ABCC5: variants seen among roughly 807,000 people sequenced by gnomAD.
ABCC5 encodes ATP binding cassette subfamily C member 5.
ABCC5 carries 61 observed loss-of-function variants against 160.9 expected under a neutral mutation model. The ratio of observed to expected loss-of-function variants is 0.38; its 90% confidence interval spans 0.31 to 0.47. The LOEUF (loss-of-function observed/expected upper bound fraction) is 0.47, where lower values mean the gene tolerates loss of function less well. Among genes scored for constraint, ABCC5 ranks in the 20% least tolerant of loss-of-function variants. The pLI, the probability that ABCC5 is intolerant of heterozygous loss-of-function variation, is 0.99. For synonymous variants in ABCC5, 666 were observed against 700.6 expected (o/e 0.95, Z 0.78); for missense variants, 1,308 against 1,813.3 (o/e 0.72, Z 5.06).
At position 183,987,676 on chromosome 3, in the gene ABCC5, A is replaced by G. The variant is rs1719343869; in HGVS notation, c.591+94T>C. On this transcript the variant is annotated intron_variant, in intron 5 of 29. Transcript: ENST00000334444. This position sits in a 1 kb window ranked among gnomAD's most constrained non-coding sequence, Gnocchi z 4.2. ...CATCTCTAAGACTGCTACCTAGCCC[A>G]AAGCTGAGCACAACCTCTGCAACAG... 1 of 1,567,270 alleles carries G rather than the reference A, an allele frequency of 6.4e-7. No individual in the cohort carries two copies. Among genetic ancestry groups the G allele is most frequent in the African/African-American group, 1.4e-5 (1 of 73,870 alleles).
intron 22 of ABCC5, among the ~76,000 whole-genome samples, chr3:183,947,797 C>A (rs1414070976): frequency 6.6e-6 from 1 of 152,040 alleles, no homozygotes; most frequent in South Asian, 2.1e-4. Context: ...ACAGAGTAAA[C>A]ATGGGAAAAG....
chr3:183,938,170 T>A, intron 25 of ABCC5, 110 bp from the exon 26 acceptor site: 4 of 1,034,066 alleles, frequency 3.9e-6, no homozygotes, highest in Non-Finnish European at 5.7e-6. Flanking sequence ...TATTCAGTTG[T>A]TATTTCAACT....
Position 183,949,121 on chromosome 3 carries a change from T to C in ABCC5, c.3227+632A>G, listed in dbSNP as rs927781823. Among the ~76,000 whole-genome samples, 1 of 152,236 alleles carries C rather than the reference T, an allele frequency of 6.6e-6. No homozygotes were observed. The highest frequency in any genetic ancestry group is 1.5e-5 in the Non-Finnish European group (1 of 68,036). ...TATGCTGGAGATCATTCCCTATCAG[T>C]ACCTATAGAGCTCCCTCATTCTTTT... On this transcript the variant is annotated intron_variant, in intron 22 of 29. Transcript: ENST00000334444. This position sits in a 1 kb window ranked among gnomAD's most constrained non-coding sequence, Gnocchi z 4.2.
intron 2 of ABCC5, among the ~76,000 whole-genome samples, chr3:184,005,733 A>G (rs558669138): frequency 3.9e-4 from 60 of 152,280 alleles, no homozygotes; most frequent in African/African-American, 1.4e-3. Flanking sequence ...ATACATATGT[A>G]ACAAACCTGC....
Position 183,971,632 on chromosome 3 carries a change from G to A in ABCC5, c.1692C>T (p.Gly564=). 6.2e-7 allele frequency: 1 copy of A among 1,614,162 alleles called. No homozygotes were observed. Among genetic ancestry groups the A allele is most frequent in the South Asian group, 1.1e-5 (1 of 91,068 alleles). ...GCAGGTGGCCCAGGTGGATGTGCTT[G>A]CCTTCTTCCTCTTCGGGACTGGGCC... The part of the protein sequence containing the change: ...DERPSPEEEE[G]KHIHLGHLRL... The change falls in exon 11 of 30, where the codon GGC becomes GGT. Residue 564 remains glycine (G), a synonymous_variant. Coordinates refer to ENST00000334444, the MANE Select transcript of ABCC5 (RefSeq NM_005688.4).
intron 17 of ABCC5, among the ~76,000 whole-genome samples, chr3:183,956,602 G>C (rs1716015563): frequency 1.3e-5 from 2 of 150,874 alleles, no homozygotes; most frequent in Admixed American, 6.6e-5. Flanking sequence ...GCAGATCCGT[G>C]TGTATATCAC....
At chr3:183,983,244 T>A (rs1718902811) in intron 5 of ABCC5, among the ~76,000 whole-genome samples, 1 of 152,244 alleles carries the variant, frequency 6.6e-6, no homozygotes, top group African/African-American at 2.4e-5. Flanking sequence ...TCAAAACCAT[T>A]ACTCTTTCTA....
intron 17 of ABCC5, among the ~76,000 whole-genome samples, chr3:183,956,710 T>C (rs1382713633): frequency 1.8e-5 from 1 of 54,336 alleles, no homozygotes; most frequent in African/African-American, 1.3e-4. Flanking sequence ...GTATATCATA[T>C]AGGTTACATG....
chr3:183,987,833 G>A lies in ABCC5; in HGVS notation c.528C>T (p.Arg176=). 3 of 1,614,178 alleles carry A rather than the reference G, an allele frequency of 1.9e-6. No homozygotes were observed. Among genetic ancestry groups the A allele is most frequent in the Non-Finnish European group, 2.5e-6 (3 of 1,180,040 alleles). ...SLRRVVWIFC[R]TRLILSIVCL... is the part of the protein sequence containing the mutation. ...ACACGATGGACAGGATGAGCCTGGTGCGGCAGAAGATCCACACAACCCTTC... is the reference window on the plus strand; with the variant it reads ...ACACGATGGACAGGATGAGCCTGGTACGGCAGAAGATCCACACAACCCTTC... The change falls in exon 5 of 30, where the codon CGC becomes CGT. Residue 176 remains arginine (R), a synonymous_variant. Transcript: ENST00000334444. The surrounding 1 kb of genome is among the most constrained non-coding windows in gnomAD (Gnocchi z 4.2).
intron 2 of ABCC5, among the ~76,000 whole-genome samples, chr3:184,001,787 C>T (rs1164411551): frequency 6.6e-6 from 1 of 152,054 alleles, no homozygotes; most frequent in Non-Finnish European, 1.5e-5. Flanking sequence ...GCTTTCAATC[C>T]CTTTTACAAG....
chr3:183,973,124 G>A (rs112182155), intron 10 of ABCC5, among the ~76,000 whole-genome samples: 2,242 of 143,474 alleles, frequency 0.016, 43 homozygotes, highest in African/African-American at 0.057. Flanking sequence ...GTGCAATCTC[G>A]GCTCATTGCA....
intron 26 of ABCC5, among the ~76,000 whole-genome samples, chr3:183,935,440 A>G (rs1311183347): frequency 1.3e-5 from 2 of 151,362 alleles, no homozygotes; most frequent in Non-Finnish European, 2.9e-5. Flanking sequence ...TCAGCCTCCC[A>G]AAGTGCTGGG....
At chr3:183,945,997 A>G (rs1714805867) in intron 23 of ABCC5, 58 bp from the exon 24 acceptor site, 1 of 1,492,810 alleles carries the variant, frequency 6.7e-7, no homozygotes, top group Non-Finnish European at 9.3e-7. Context: ...CGCCAGGCCA[A>G]TGCTGGAGAA....
intron 25 of ABCC5, chr3:183,942,368 ATG>A: frequency 2.1e-6 from 1 of 471,082 alleles, no homozygotes; most frequent in Non-Finnish European, 4.2e-6. Context: ...ATGAAACAGC[ATG>A]TGTCAATGAC....
At position 183,951,608 on chromosome 3, in the gene ABCC5, C is replaced by T. The variant is rs4148586; in HGVS notation, c.2815-38G>A. The T allele has an allele frequency of 0.3, 477,894 of 1,606,284 alleles. 74,400 individuals carry two copies. The highest frequency in any genetic ancestry group is 0.33 in the Middle Eastern group (1,887 of 5,764). ...GCACAGAGTGGTCAGGGCCCAGGGACGGCTCTGTTCCTACTGGTCCAGAGA... is the reference window on the plus strand; with the variant it reads ...GCACAGAGTGGTCAGGGCCCAGGGATGGCTCTGTTCCTACTGGTCCAGAGA... On this transcript the variant is annotated intron_variant, in intron 19 of 29. Coordinates refer to ENST00000334444, the MANE Select transcript of ABCC5 (RefSeq NM_005688.4). The surrounding 1 kb of genome is among the most constrained non-coding windows in gnomAD (Gnocchi z 4.7).
At chr3:183,925,506 C>A in intron 29 of ABCC5, 49 bp downstream of exon 29, 1 of 1,600,048 alleles carries the variant, frequency 6.2e-7, no homozygotes, top group Non-Finnish European at 8.5e-7. Flanking sequence ...TGCCAGGGGC[C>A]AGTTTCCTCC....
chr3:183,943,733 C>T (rs372742118), intron 24 of ABCC5, among the ~76,000 whole-genome samples: 1 of 152,132 alleles, frequency 6.6e-6, no homozygotes, highest in East Asian at 1.9e-4. Flanking sequence ...AGTGGGAGGG[C>T]AGGCCTCTGA....
intron 2 of ABCC5, chr3:184,001,197 G>A (rs893923071): frequency 4.9e-5 from 25 of 512,576 alleles, no homozygotes; most frequent in Non-Finnish European, 8.4e-5. Flanking sequence ...ACGCTGCAGT[G>A]AGCCATGGTC....
chr3:183,933,507 A>G (rs1713385085), intron 26 of ABCC5, among the ~76,000 whole-genome samples: 1 of 152,176 alleles, frequency 6.6e-6, no homozygotes, highest in South Asian at 2.1e-4. Context: ...GCCATGAGAC[A>G]GAGGCCAGCA....
Sources: allele counts gnomAD v4.1 joint callset (sites outside exome capture counted in the v4.1 genomes callset), GRCh38; gene constraint gnomAD v4.1.1; non-coding constraint Gnocchi (gnomAD v3.1); transcripts MANE v1.5; gene names NCBI Gene and HGNC (gene_info 2026-07-23, HGNC 2026-07-21).